PHACTR2: variants seen among roughly 807,000 people sequenced by gnomAD.
PHACTR2 encodes the protein phosphatase and actin regulator 2.
A neutral mutation model predicts 76.0 loss-of-function variants in PHACTR2; 30 were observed. That is an observed-to-expected ratio of 0.39 (90% CI 0.30 to 0.54). PHACTR2 has a LOEUF of 0.54. PHACTR2 is among the 20% of genes least tolerant of loss of function. PHACTR2 has a pLI of 0.61. For missense variants in PHACTR2, 696 were observed against 781.1 expected, an observed-to-expected ratio of 0.89 and a Z score of 1.30; for synonymous variants, 292 against 292.5, an observed-to-expected ratio of 1.00 and a Z score of 0.02.
rs1462401409 is a variant in PHACTR2 at position 143,695,873 on chromosome 6, A to T, written c.47-16143A>T. ...CTGTGTTTAGCAGCCGTAGCAACAC[A>T]TCTTATACGGTGCAGGATTTTTAAA... On this transcript the variant is annotated intron_variant, in intron 1 of 12. Coordinates refer to ENST00000440869, the MANE Select transcript of PHACTR2 (RefSeq NM_001100164.2). The surrounding 1 kb of genome is among the most constrained non-coding windows in gnomAD (Gnocchi z 4.4). 6.6e-6 allele frequency among the ~76,000 whole-genome samples: 1 copy of T among 152,236 alleles called. No individual in the cohort carries two copies. The highest frequency in any genetic ancestry group is 1.5e-5 in the Non-Finnish European group (1 of 68,040).
intron 2 of PHACTR2, among the ~76,000 whole-genome samples, chr6:143,747,638 C>T (rs1209869254): frequency 3.9e-5 from 6 of 152,288 alleles, no homozygotes; most frequent in African/African-American, 1.4e-4. Context: ...TCAGAAATCT[C>T]GTGCTACTGC....
chr6:143,771,164 A>ATGTG (rs1562300674), intron 6 of PHACTR2, among the ~76,000 whole-genome samples: 3 of 30,078 alleles, frequency 1.0e-4, no homozygotes, highest in African/African-American at 5.7e-4. Flanking sequence ...ATATGTATAT[A>ATGTG]TATATATATG....
At position 143,656,596 on chromosome 6, in the gene PHACTR2, T is replaced by C. The variant is rs1776852943; in HGVS notation, c.13+48274T>C. ...CTAGTATTCTCTGAGACATCAATGCTAGATGAGGATACAGGTAGATGAATG... is the reference window on the plus strand; with the variant it reads ...CTAGTATTCTCTGAGACATCAATGCCAGATGAGGATACAGGTAGATGAATG... On this transcript the variant is annotated intron_variant, in intron 1 of 11. Transcript: ENST00000305766. The surrounding 1 kb of genome is among the most constrained non-coding windows in gnomAD (Gnocchi z 5.3). 6.6e-6 allele frequency among the ~76,000 whole-genome samples: 1 copy of C among 152,148 alleles called. No individual in the cohort carries two copies. Among genetic ancestry groups the C allele is most frequent in the Non-Finnish European group, 1.5e-5 (1 of 68,026 alleles).
In PHACTR2 at chr6:143,824,455, T is replaced by A. The variant is rs1486863120; in HGVS notation, c.*766T>A. The A allele has an allele frequency of 6.6e-6, 1 of 152,664 alleles. No individual in the cohort carries two copies. The highest frequency in any genetic ancestry group is 1.5e-5 in the Non-Finnish European group (1 of 68,052). The allele number at this position is 152,664 out of a possible 1,614,324, so 9.5% of individuals were successfully genotyped here. ...GCTATGCACACTTGACATTTTTAAATATCCCTTTCCTAGTGTACCAGCCTT... is the reference window on the plus strand; with the variant it reads ...GCTATGCACACTTGACATTTTTAAAAATCCCTTTCCTAGTGTACCAGCCTT... On this transcript the variant is annotated 3_prime_UTR_variant, in exon 13 of 13. Coordinates refer to ENST00000440869, the MANE Select transcript of PHACTR2 (RefSeq NM_001100164.2). The surrounding 1 kb of genome is among the most constrained non-coding windows in gnomAD (Gnocchi z 6.3).
In PHACTR2 at chr6:143,549,056, C is replaced by A. The variant is rs933193313; in HGVS notation, c.217+11849C>A. 1.3e-5 allele frequency among the ~76,000 whole-genome samples: 2 copies of A among 151,880 alleles called. No homozygotes were observed. Among genetic ancestry groups the A allele is most frequent in the East Asian group, 1.9e-4 (1 of 5,170 alleles). On this transcript the variant is annotated intron_variant, in intron 1 of 11. Coordinates refer to the PHACTR2 transcript ENST00000367584. The surrounding 1 kb of genome is among the most constrained non-coding windows in gnomAD (Gnocchi z 4.2). The stretch of plus-strand genomic sequence containing the variant: ...GCCATGAAGACAGGCATTCTCTCCC[C>A]CCGACCCAGATTGACATGGTGCCTG...
In PHACTR2 at chr6:143,739,019, A is replaced by C. The variant is rs1008416379; in HGVS notation, c.215-9966A>C. Reference sequence around the variant, plus strand: ...TATTGTTTATGATCTCTTAGTTTGAAAAGCTTCATTACCATTTACAGCTGA... The same window carrying C: ...TATTGTTTATGATCTCTTAGTTTGACAAGCTTCATTACCATTTACAGCTGA... On this transcript the variant is annotated intron_variant, in intron 2 of 12. Coordinates refer to ENST00000440869, the MANE Select transcript of PHACTR2 (RefSeq NM_001100164.2). The surrounding 1 kb of genome is among the most constrained non-coding windows in gnomAD (Gnocchi z 4.3). Among the ~76,000 whole-genome samples the C allele has an allele frequency of 2.6e-5, 4 of 152,144 alleles. No homozygotes were observed. Among genetic ancestry groups the C allele is most frequent in the Admixed American group, 6.6e-5 (1 of 15,264 alleles).
At chr6:143,604,798 A>G (rs1422153198), upstream of PHACTR2, among the ~76,000 whole-genome samples, 2 of 151,714 alleles carry the variant, frequency 1.3e-5, no homozygotes, top group East Asian at 3.9e-4. Flanking sequence ...AGGCTGAGGC[A>G]TGAGAATTGC....
intron 9 of PHACTR2, among the ~76,000 whole-genome samples, chr6:143,781,751 T>C (rs905459281): frequency 3.3e-5 from 5 of 152,348 alleles, no homozygotes; most frequent in South Asian, 2.1e-4. Flanking sequence ...TGAAAGGATA[T>C]ATATTTTGTG....
rs1432562678 is a variant in PHACTR2, at chr6:143,794,396, A to G, written c.1845+5486A>G. On this transcript the variant is annotated intron_variant, in intron 11 of 12. Transcript: ENST00000440869. This position sits in a 1 kb window ranked among gnomAD's most constrained non-coding sequence, Gnocchi z 4.1. ...TAAGTTAATTCATGTAAAAATTATAATTTAGCTATTAGGTTTAAAAATGAG... is the reference window on the plus strand; with the variant it reads ...TAAGTTAATTCATGTAAAAATTATAGTTTAGCTATTAGGTTTAAAAATGAG... 2.0e-5 allele frequency among the ~76,000 whole-genome samples: 3 copies of G among 151,852 alleles called. No homozygotes were observed. The highest frequency in any genetic ancestry group is 4.4e-5 in the Non-Finnish European group (3 of 67,956).
At position 143,782,492 on chromosome 6, in the gene PHACTR2, T is replaced by G. The variant is rs1156781014; in HGVS notation, c.1646-727T>G. On this transcript the variant is annotated intron_variant, in intron 9 of 12. Coordinates refer to ENST00000440869, the MANE Select transcript of PHACTR2 (RefSeq NM_001100164.2). This position sits in a 1 kb window ranked among gnomAD's most constrained non-coding sequence, Gnocchi z 4.6. ...AAACCTGAAGGGGTGTTTATTTCTT[T>G]AAAAATTTTGGACATTTTTCTTTAA... Among the ~76,000 whole-genome samples the G allele has an allele frequency of 6.6e-6, 1 of 152,224 alleles. No homozygotes were observed. Among genetic ancestry groups the G allele is most frequent in the African/African-American group, 2.4e-5 (1 of 41,450 alleles).
rs111651359 is a variant in PHACTR2 at position 143,669,873 on chromosome 6, G to T, written c.14-42143G>T. Among the ~76,000 whole-genome samples, 1,404 of 152,264 alleles carry T rather than the reference G, an allele frequency of 9.2e-3. 23 individuals are homozygous for T. The highest frequency in any genetic ancestry group is 0.031 in the African/African-American group (1,302 of 41,538). On this transcript the variant is annotated intron_variant, in intron 1 of 11. Coordinates refer to the PHACTR2 transcript ENST00000305766. ...ACATTTAAGGTTAATATTGTTATGT[G>T]TGAATTTGATCCTGTCATTATGATG... is the stretch of plus-strand genomic sequence containing the variant.
At chr6:143,734,752 G>T (rs998983332) in intron 2 of PHACTR2, among the ~76,000 whole-genome samples, 6 of 152,122 alleles carry the variant, frequency 3.9e-5, no homozygotes, top group African/African-American at 1.4e-4. Context: ...GACAAAGTGG[G>T]TTTGTATTGC....
intron 1 of PHACTR2, among the ~76,000 whole-genome samples, chr6:143,661,912 G>A (rs1776952643): frequency 6.6e-6 from 1 of 152,108 alleles, no homozygotes; most frequent in Non-Finnish European, 1.5e-5. Flanking sequence ...GGAAAATTTG[G>A]AGGAATGAAA....
chr6:143,619,535 T>G lies in PHACTR2; in HGVS notation c.13+11213T>G, dbSNP rs1776116004. ...CTGAAGGGTACACAGTGTTGACCTG[T>G]ACACAAAGAAGCATCTTTCTTTGAG... is the stretch of plus-strand genomic sequence containing the variant. On this transcript the variant is annotated intron_variant, in intron 1 of 11. Coordinates refer to the PHACTR2 transcript ENST00000305766. This position sits in a 1 kb window ranked among gnomAD's most constrained non-coding sequence, Gnocchi z 4.5. 1.3e-5 allele frequency among the ~76,000 whole-genome samples: 2 copies of G among 152,226 alleles called. No individual in the cohort carries two copies. The highest frequency in any genetic ancestry group is 4.8e-5 in the African/African-American group (2 of 41,458).
At chr6:143,677,862 C>A (rs1357696750), upstream of PHACTR2, 1 of 149,076 alleles carries the variant, frequency 6.7e-6, no homozygotes, top group Non-Finnish European at 1.4e-5. Flanking sequence ...CCTGCTCCTG[C>A]GCCCTCCCCC....
chr6:143,774,333 G>T lies in PHACTR2; in HGVS notation c.1589+118G>T. The T allele has an allele frequency of 1.4e-6, 1 of 697,280 alleles. No homozygotes were observed. The allele number at this position is 697,280 out of a possible 1,614,324, so 43.2% of individuals were successfully genotyped here. A position where few individuals can be genotyped will look rare whatever the true frequency, so the allele number is the denominator to read the frequency against. ...ATGTACAGATACATCTGGCCTACTG[G>T]GTCTTTTAAAGTTGGTCTTGCATGA... On this transcript the variant is annotated intron_variant, in intron 8 of 12. Transcript: ENST00000440869. The surrounding 1 kb of genome is among the most constrained non-coding windows in gnomAD (Gnocchi z 5.4).
chr6:143,764,087 G>T lies in PHACTR2; in HGVS notation c.695-1174G>T, dbSNP rs995887845. ...TGTTTTGATTGAGGGTGCCCTATCC[G>T]GAAGTAGGCAAATATACCATAGCTA... On this transcript the variant is annotated intron_variant, in intron 5 of 12. Coordinates refer to ENST00000440869, the MANE Select transcript of PHACTR2 (RefSeq NM_001100164.2). This position sits in a 1 kb window ranked among gnomAD's most constrained non-coding sequence, Gnocchi z 4.7. Among the ~76,000 whole-genome samples, 1 of 152,108 alleles carries T rather than the reference G, an allele frequency of 6.6e-6. No individual in the cohort carries two copies.
intron 1 of PHACTR2, among the ~76,000 whole-genome samples, chr6:143,651,007 C>G (rs140862210): frequency 1.3e-5 from 2 of 151,790 alleles, no homozygotes; most frequent in African/African-American, 4.8e-5. Context: ...AACAAACAAC[C>G]CCATTAAAAA....
At position 143,793,822 on chromosome 6, in the gene PHACTR2, T is replaced by C. The variant is rs1245933212; in HGVS notation, c.1845+4912T>C. 6.6e-6 allele frequency among the ~76,000 whole-genome samples: 1 copy of C among 151,774 alleles called. No individual in the cohort carries two copies. The highest frequency in any genetic ancestry group is 1.9e-4 in the East Asian group (1 of 5,178). ...GTCCCAGCTACTCGGGAAGCTGAGG[T>C]GGGAGAATTGCTTGAGCCCAGGAGC... is the stretch of plus-strand genomic sequence containing the variant. On this transcript the variant is annotated intron_variant, in intron 11 of 12. Coordinates refer to ENST00000440869, the MANE Select transcript of PHACTR2 (RefSeq NM_001100164.2). The surrounding 1 kb of genome is among the most constrained non-coding windows in gnomAD (Gnocchi z 4.4).
Sources: gnomAD v4.1 joint callset for allele counts (sites outside exome capture counted in the v4.1 genomes callset) on GRCh38, gnomAD v4.1.1 for gene constraint, Gnocchi (gnomAD v3.1) non-coding constraint, MANE v1.5 for transcripts, NCBI Gene and HGNC (gene_info 2026-07-23, HGNC 2026-07-21) for gene names.